PAK6: variants seen among roughly 807,000 people sequenced by gnomAD.
The protein encoded by PAK6 is serine/threonine-protein kinase PAK 6.
PAK6 carries 33 observed loss-of-function variants against 60.8 expected under a neutral mutation model. The observed-to-expected ratio is 0.54, with a 90% CI of 0.41 to 0.73. The LOEUF is 0.73. Ranked by LOEUF, PAK6 falls within the 30% of genes least tolerant of loss-of-function variation. The pLI, the probability that PAK6 is intolerant of heterozygous loss-of-function variation, is 0.00. For missense variants in PAK6, 845 were observed against 904.1 expected (o/e 0.93, Z 0.84); for synonymous variants, 404 against 378.5 (o/e 1.07, Z -0.78).
intron 3 of PAK6, among the ~76,000 whole-genome samples, chr15:40,255,499 G>T (rs943053458): frequency 6.6e-6 from 1 of 152,192 alleles, no homozygotes; most frequent in African/African-American, 2.4e-5. Flanking sequence ...TGAGCAGGTT[G>T]TTTGAATCTT....
chr15:40,256,389 CA>C (rs1239503860), intron 3 of PAK6, among the ~76,000 whole-genome samples: 3 of 152,148 alleles, frequency 2.0e-5, no homozygotes, highest in Non-Finnish European at 4.4e-5. Flanking sequence ...TGTGGGATGA[CA>C]GTTCCCAAAG....
exon 1 of PAK6, chr15:40,239,666 T>C (rs2038261111): frequency 6.6e-6 from 1 of 152,388 alleles, no homozygotes; most frequent in Admixed American, 6.5e-5. Context: ...AGGGCAGTCT[T>C]GTCCGAGCTG....
At chr15:40,276,789 T>TGTGTGTGTGTGTGTG (rs67205800) in exon 11 of PAK6, 3 of 146,156 alleles carry the variant, frequency 2.1e-5, no homozygotes, top group Non-Finnish European at 4.4e-5. Context: ...TGTGTGTGTG[T>TGTGTGTGTGTGTGTG]AAGGGGAGGA....
intron 2 of PAK6, among the ~76,000 whole-genome samples, chr15:40,242,714 T>C (rs779119169): frequency 2.6e-5 from 4 of 152,012 alleles, no homozygotes; most frequent in Non-Finnish European, 5.9e-5. Context: ...TCTGAGGAGG[T>C]GCCCTCCACC....
rs568969059 is a variant in PAK6 at position 40,252,657 on chromosome 15, C to A, written c.-117-521C>A. On this transcript the variant is annotated intron_variant, in intron 2 of 10. Coordinates refer to ENST00000560346, the Ensembl canonical transcript of PAK6. Reference sequence around the variant, plus strand: ...CGGAGGGCGGGCCCGGCTCCCACGACCTCTTCGAGCGTTCCTGGGCTTCCC... The same window carrying A: ...CGGAGGGCGGGCCCGGCTCCCACGAACTCTTCGAGCGTTCCTGGGCTTCCC... 2.1e-4 allele frequency: 281 copies of A among 1,321,610 alleles called. 4 individuals carry two copies. In the South Asian group the frequency reaches 3.1e-3, roughly 15 times the overall value. 81.9% of individuals were successfully genotyped at this position (1,321,610 alleles called of 1,614,324 possible). A position where few individuals can be genotyped will look rare whatever the true frequency, so the allele number is the denominator to read the frequency against.
chr15:40,273,049 G>C (rs1270403531), intron 7 of PAK6, 50 bp downstream of exon 7: 1 of 1,599,494 alleles, frequency 6.3e-7, no homozygotes, highest in Non-Finnish European at 8.5e-7. Context: ...CCTCACCATG[G>C]CCCTGCCAGG....
chr15:40,268,818 A>G (rs914581908), intron 5 of PAK6, among the ~76,000 whole-genome samples: 1 of 152,186 alleles, frequency 6.6e-6, no homozygotes. Context: ...AAGGGCAAAC[A>G]TTGGTTAAGC....
At chr15:40,253,375 G>A (rs2038744279) in intron 3 of PAK6, 86 bp downstream of exon 3, 4 of 418,900 alleles carry the variant, frequency 9.5e-6, no homozygotes, top group Admixed American at 2.6e-5. Context: ...CAGGCAGGTG[G>A]CCCTCCTGGG....
Position 40,265,003 on chromosome 15 carries a change from G to T in PAK6, c.204+14G>T. On this transcript the variant is annotated intron_variant, in intron 4 of 10. Transcript: ENST00000560346. ...CAGCCCATGAAGGTAAGAGGGGCCG[G>T]CAGGGATGAGGTTCAGCCTCTCCCA... 6.2e-7 allele frequency: 1 copy of T among 1,609,524 alleles called. No homozygotes were observed. Among genetic ancestry groups the T allele is most frequent in the Non-Finnish European group, 8.5e-7 (1 of 1,177,756 alleles).
intron 10 of PAK6, among the ~76,000 whole-genome samples, chr15:40,275,442 T>C (rs567567951): frequency 3.9e-5 from 6 of 151,964 alleles, no homozygotes; most frequent in East Asian, 3.9e-4. Context: ...CGTGCCACCA[T>C]GCTCAACTAA....
chr15:40,272,547 C>T (rs1416889915), exon 6 of PAK6: 10 of 1,613,570 alleles, frequency 6.2e-6, no homozygotes, highest in South Asian at 1.1e-5. Context: ...AGGCTGCGCT[C>T]AGGATGGTGG....
At chr15:40,272,918 G>A in exon 7 of PAK6, 2 of 1,614,128 alleles carry the variant, frequency 1.2e-6, no homozygotes, top group Non-Finnish European at 1.7e-6. Context: ...ATGTACAAGA[G>A]CTACCTGGTG....
At chr15:40,247,842 G>C (rs905590151) in intron 2 of PAK6, among the ~76,000 whole-genome samples, 1 of 152,228 alleles carries the variant, frequency 6.6e-6, no homozygotes, top group East Asian at 1.9e-4. Context: ...TTTTCTGGAC[G>C]AATCCTGGGA....
chr15:40,264,827 G>C, exon 4 of PAK6: 1 of 1,613,946 alleles, frequency 6.2e-7, no homozygotes, highest in East Asian at 2.2e-5. Flanking sequence ...AGATCTCAGC[G>C]CCACAGAACT....
At chr15:40,270,273 C>G (rs866213462) in intron 5 of PAK6, among the ~76,000 whole-genome samples, 7 of 152,206 alleles carry the variant, frequency 4.6e-5, no homozygotes, top group African/African-American at 1.7e-4. Context: ...CTCCACCCCC[C>G]TCACAGCCCT....
At chr15:40,275,287 T>TTTTTTTTC (rs1566859730) in intron 10 of PAK6, among the ~76,000 whole-genome samples, 1 of 107,328 alleles carries the variant, frequency 9.3e-6, no homozygotes, top group Non-Finnish European at 1.9e-5. Flanking sequence ...TTGGTTTTTT[T>TTTTTTTTC]TTTTTTTTTT....
chr15:40,254,035 G>C (rs922958380), intron 3 of PAK6, among the ~76,000 whole-genome samples: 1 of 152,164 alleles, frequency 6.6e-6, no homozygotes, highest in Non-Finnish European at 1.5e-5. Flanking sequence ...GTGAGGTTCA[G>C]CCTGCAGTGC....
At chr15:40,240,113 G>A (rs34951613) in intron 1 of PAK6, 25,373 of 153,816 alleles carry the variant, frequency 0.16, 2,665 homozygotes, top group Non-Finnish European at 0.23. Context: ...GCCGTCCGGA[G>A]GGGCTGGCCA....
chr15:40,274,293 G>A lies in PAK6; in HGVS notation c.1878+17G>A, dbSNP rs13379713. ...TCTCACAAGGTCAGTTGGCACACAAGGGTGCGACCTCGCAGACCCCATTCC... is the reference window on the plus strand; with the variant it reads ...TCTCACAAGGTCAGTTGGCACACAAAGGTGCGACCTCGCAGACCCCATTCC... On this transcript the variant is annotated intron_variant, in intron 10 of 10. Transcript: ENST00000560346. 1,379 of 1,585,372 alleles carry A rather than the reference G, an allele frequency of 8.7e-4. 8 individuals are homozygous for A. The highest frequency in any genetic ancestry group is 7.1e-3 in the African/African-American group (525 of 74,212).
Sources: allele counts gnomAD v4.1 joint callset (sites outside exome capture counted in the v4.1 genomes callset), GRCh38; gene constraint gnomAD v4.1.1; transcripts MANE v1.5; gene names NCBI Gene and HGNC (gene_info 2026-07-23, HGNC 2026-07-21).